Variants in PREP observed in about 807,000 individuals in gnomAD.
PREP encodes the protein dJ355L5.1 (prolyl endopeptidase).
A neutral mutation model predicts 87.6 loss-of-function variants in PREP; 29 were observed. The ratio of observed to expected loss-of-function variants is 0.33; its 90% CI spans 0.25 to 0.45. The LOEUF (loss-of-function observed/expected upper bound fraction) is 0.45, where lower values mean the gene tolerates loss of function less well. Ranked by LOEUF, PREP falls within the 20% of genes least tolerant of loss-of-function variation. PREP has a pLI of 1.00. For synonymous variants in PREP, 337 were observed against 328.6 expected, an observed-to-expected ratio of 1.03 and a Z score of -0.28; for missense variants, 695 against 886.5, an observed-to-expected ratio of 0.78 and a Z score of 2.74.
rs549946806 is a variant in PREP at position 105,322,424 on chromosome 6, A to G, written c.1317+1241T>C. 2.0e-5 allele frequency: 20 copies of G among 981,240 alleles called. No homozygotes were observed. In the South Asian group the frequency reaches 9.0e-4, roughly 44 times the overall value. The allele number at this position is 981,240 out of a possible 1,614,324, so 60.8% of individuals were successfully genotyped here. ...TTTACAGTTGAAAAAACTGTGGCAG[A>G]AAGGTTAAATGACTTGCCCCACGTG... On this transcript the variant is annotated intron_variant, in intron 10 of 14. Coordinates refer to ENST00000652536, the MANE Select transcript of PREP (RefSeq NM_002726.5).
intron 10 of PREP, among the ~76,000 whole-genome samples, chr6:105,319,868 T>C (rs545859748): frequency 4.4e-4 from 67 of 152,342 alleles, no homozygotes; most frequent in African/African-American, 1.6e-3. Context: ...CTTCAATCTT[T>C]TCACATCTGT....
intron 10 of PREP, among the ~76,000 whole-genome samples, chr6:105,311,605 T>C (rs1178994463): frequency 6.6e-6 from 1 of 152,278 alleles, no homozygotes; most frequent in Non-Finnish European, 1.5e-5. Context: ...AATGCTGACA[T>C]TTATTTTCTG....
chr6:105,331,052 AAC>A (rs1319511628), intron 8 of PREP, among the ~76,000 whole-genome samples: 4 of 152,258 alleles, frequency 2.6e-5, no homozygotes, highest in Admixed American at 2.6e-4. Flanking sequence ...AGAATTATAA[AAC>A]AGACAGAAGT....
intron 14 of PREP, among the ~76,000 whole-genome samples, chr6:105,280,130 G>C (rs1009694545): frequency 1.3e-5 from 2 of 152,136 alleles, no homozygotes; most frequent in African/African-American, 4.8e-5. Flanking sequence ...CAAAATGAAA[G>C]AGCAAACTTT....
intron 10 of PREP, among the ~76,000 whole-genome samples, chr6:105,294,305 C>T (rs1176836684): frequency 6.6e-6 from 1 of 152,228 alleles, no homozygotes; most frequent in East Asian, 1.9e-4. Flanking sequence ...GATCTGGGCT[C>T]AAAACACTGG....
chr6:105,287,649 A>G (rs1292241132), intron 11 of PREP, among the ~76,000 whole-genome samples: 1 of 152,212 alleles, frequency 6.6e-6, no homozygotes, highest in Non-Finnish European at 1.5e-5. Flanking sequence ...AGATGGTTGA[A>G]TCTATTCTGA....
At chr6:105,354,842 T>C (rs774388392) in intron 6 of PREP, among the ~76,000 whole-genome samples, 32 of 152,310 alleles carry the variant, frequency 2.1e-4, no homozygotes, top group Non-Finnish European at 3.2e-4. Flanking sequence ...CTCTTTTCTC[T>C]AGTAAACCCT....
At chr6:105,338,526 T>C (rs1173626704) in intron 7 of PREP, among the ~76,000 whole-genome samples, 1 of 152,192 alleles carries the variant, frequency 6.6e-6, no homozygotes, top group Non-Finnish European at 1.5e-5. Flanking sequence ...TACCGGTTCA[T>C]CTCACTGGGG....
Position 105,390,204 on chromosome 6 carries a change from G to T in PREP, c.120+7649C>A, listed in dbSNP as rs562679808. ...TGCCATAGCCTCTTAATCAGCAGGT[G>T]TAACGGGGTCACTTCCAGCTAGTCA... On this transcript the variant is annotated intron_variant, in intron 2 of 14. Coordinates refer to ENST00000652536, the MANE Select transcript of PREP (RefSeq NM_002726.5). Among the ~76,000 whole-genome samples, 8 of 152,302 alleles carry T rather than the reference G, an allele frequency of 5.3e-5. No homozygotes were observed. In the South Asian group the frequency reaches 1.7e-3, roughly 32 times the overall value.
Position 105,323,745 on chromosome 6 carries a change from T to C in PREP, c.1237A>G (p.Thr413Ala), listed in dbSNP as rs745850652. ...ACTCTTGGCTCCAGCTCCTCTTTGG[T>C]AAGATCACAGTGATAAATGATACCT... ...SPGIIYHCDL[T>A]KEELEPRVFR... Residue 413 changes from threonine to alanine, a missense_variant, in exon 10 of 15, where the codon ACC becomes GCC. This residue lies in a region of PREP where 517 missense variants were observed against 620.3 expected (regional missense o/e 0.83). Coordinates refer to ENST00000652536, the MANE Select transcript of PREP (RefSeq NM_002726.5). 1 of 1,613,372 alleles carries C rather than the reference T, an allele frequency of 6.2e-7. No individual in the cohort carries two copies. The highest frequency in any genetic ancestry group is 1.1e-5 in the South Asian group (1 of 91,066).
At position 105,376,240 on chromosome 6, in the gene PREP, G is replaced by A. The variant is rs1324309642; in HGVS notation, c.270C>T (p.Tyr90=). ...FKKGKRYFYF[Y]NTGLQNQRVL... ...CTCGCTGGTTCTGCAAACCTGTATTGTAAAAATAAAAATACCTGGGGAACA... is the reference window on the plus strand; with the variant it reads ...CTCGCTGGTTCTGCAAACCTGTATTATAAAAATAAAAATACCTGGGGAACA... The change falls in exon 4 of 15, where the codon TAC becomes TAT. Residue 90 remains tyrosine (Y), a synonymous_variant. Coordinates refer to ENST00000652536, the MANE Select transcript of PREP (RefSeq NM_002726.5). The A allele has an allele frequency of 1.2e-6, 2 of 1,613,162 alleles. No individual in the cohort carries two copies. Among genetic ancestry groups the A allele is most frequent in the Non-Finnish European group, 1.7e-6 (2 of 1,179,500 alleles).
At chr6:105,318,552 T>C (rs1770929351) in intron 10 of PREP, among the ~76,000 whole-genome samples, 1 of 152,180 alleles carries the variant, frequency 6.6e-6, no homozygotes, top group Non-Finnish European at 1.5e-5. Flanking sequence ...ATGTACACTC[T>C]GAATATGAAC....
At chr6:105,366,787 T>C (rs901007266) in intron 6 of PREP, among the ~76,000 whole-genome samples, 1 of 152,226 alleles carries the variant, frequency 6.6e-6, no homozygotes, top group African/African-American at 2.4e-5. Context: ...ACAAGATGGC[T>C]GAAGCTTGAA....
At chr6:105,344,335 C>T (rs572168705) in intron 7 of PREP, among the ~76,000 whole-genome samples, 23 of 151,906 alleles carry the variant, frequency 1.5e-4, no homozygotes, top group African/African-American at 5.5e-4. Context: ...CTAAAAAATA[C>T]AAAAAAATTA....
At chr6:105,357,125 A>G (rs1583078567) in intron 6 of PREP, among the ~76,000 whole-genome samples, 1 of 152,212 alleles carries the variant, frequency 6.6e-6, no homozygotes, top group Non-Finnish European at 1.5e-5. Flanking sequence ...TTATTTTTAA[A>G]CCATCCTATA....
At chr6:105,363,131 T>C (rs1460022049) in intron 6 of PREP, among the ~76,000 whole-genome samples, 1 of 152,214 alleles carries the variant, frequency 6.6e-6, no homozygotes, top group East Asian at 1.9e-4. Flanking sequence ...CAACAGATAC[T>C]AAGATTCAGG....
intron 5 of PREP, among the ~76,000 whole-genome samples, chr6:105,372,926 T>A (rs550732898): frequency 6.6e-6 from 1 of 152,292 alleles, no homozygotes; most frequent in East Asian, 1.9e-4. Context: ...ATGCAGCAAA[T>A]CTGACGTGCC....
At chr6:105,351,022 C>T (rs1346296117) in intron 7 of PREP, among the ~76,000 whole-genome samples, 1 of 152,222 alleles carries the variant, frequency 6.6e-6, no homozygotes, top group African/African-American at 2.4e-5. Flanking sequence ...AAAGCCCTAA[C>T]ACTGACAGAT....
intron 7 of PREP, among the ~76,000 whole-genome samples, chr6:105,339,829 G>A (rs1157651048): frequency 6.6e-6 from 1 of 152,174 alleles, no homozygotes; most frequent in Non-Finnish European, 1.5e-5. Context: ...GAGAAGAAAA[G>A]TTCAGAGAAA....
Sources: allele counts gnomAD v4.1 joint callset (sites outside exome capture counted in the v4.1 genomes callset), GRCh38; gene constraint gnomAD v4.1.1; regional missense constraint gnomAD v4.1.1; transcripts MANE v1.5; gene names NCBI Gene and HGNC (gene_info 2026-07-23, HGNC 2026-07-21).